Variants in PUDP observed in about 807,000 individuals in gnomAD.
The protein encoded by PUDP is pseudouridine 5'-phosphatase, also known as pseudouridine-5'-phosphatase.
A neutral mutation model predicts 9.4 loss-of-function variants in PUDP; 8 were observed. That is an observed-to-expected ratio of 0.85 (90% CI 0.50 to 1.53). The LOEUF (loss-of-function observed/expected upper bound fraction) is 1.53, where lower values mean the gene tolerates loss of function less well. Among genes scored for constraint, PUDP ranks in the 40% most tolerant of loss-of-function variants. The pLI is 0.00. For missense variants in PUDP, 188 were observed against 189.7 expected, an observed-to-expected ratio of 0.99 and a Z score of 0.05; for synonymous variants, 99 against 80.7, an observed-to-expected ratio of 1.23 and a Z score of -1.22.
chrX:6,724,133 T>C (rs1482639826), upstream of PUDP, among the ~76,000 whole-genome samples: 1 of 111,260 alleles, frequency 9.0e-6, no homozygotes, highest in Admixed American at 9.6e-5. Context: ...ATATAACAAT[T>C]CCAAATAAAA....
chrX:6,926,269 G>A (rs1391465733), intron 3 of PUDP, among the ~76,000 whole-genome samples: 1 of 111,925 alleles, frequency 8.9e-6, no homozygotes, highest in African/African-American at 3.3e-5. Flanking sequence ...CCTGCCAGAG[G>A]AAGCCCTCAC....
At chrX:6,816,503 C>T (rs1314778858) in intron 3 of PUDP, among the ~76,000 whole-genome samples, 1 of 101,859 alleles carries the variant, frequency 9.8e-6, no homozygotes, top group Non-Finnish European at 2.0e-5. Context: ...TATATTTATA[C>T]ATCTATACTA....
intron 3 of PUDP, among the ~76,000 whole-genome samples, chrX:6,784,313 AT>A (rs1925611640): frequency 8.9e-6 from 1 of 111,744 alleles, no homozygotes; most frequent in East Asian, 2.8e-4. Flanking sequence ...CAGGGTGCAA[AT>A]GTTGTTTGTG....
chrX:6,822,273 C>A (rs897485056), intron 3 of PUDP, among the ~76,000 whole-genome samples: 1 of 111,769 alleles, frequency 8.9e-6, no homozygotes, highest in Admixed American at 9.5e-5. Context: ...AAAGGTATAT[C>A]TTTATCTCCG....
rs759542224 is a variant in PUDP, at chrX:7,081,762, G to A, written c.281-4313C>T. 8.8e-5 allele frequency among the ~76,000 whole-genome samples: 10 copies of A among 113,058 alleles called. No individual in the cohort carries two copies. The East Asian group carries it at 2.8e-3, about 31-fold the overall frequency. On this transcript the variant is annotated intron_variant, in intron 2 of 3. Transcript: ENST00000381077. ...GGCCTCAATTTTGTCATCTGTCAAA[G>A]AGCAATGATTAACGTTCCTCATGGA...
intron 3 of PUDP, among the ~76,000 whole-genome samples, chrX:6,818,279 T>C (rs970923541): frequency 4.5e-5 from 5 of 112,136 alleles, no homozygotes; most frequent in Non-Finnish European, 9.4e-5. Context: ...AAAGATGATC[T>C]TACATTTAGA....
intron 3 of PUDP, among the ~76,000 whole-genome samples, chrX:6,850,113 T>TAA (rs376343784): frequency 3.9e-5 from 4 of 102,290 alleles, no homozygotes; most frequent in Non-Finnish European, 6.0e-5. Context: ...AGACATAAAT[T>TAA]AAAAAAAAAA....
chrX:7,116,110 T>G (rs1932187062), intron 1 of PUDP, among the ~76,000 whole-genome samples: 1 of 112,133 alleles, frequency 8.9e-6, no homozygotes, highest in Non-Finnish European at 1.9e-5. Context: ...GCAAGAAAGT[T>G]GGACACCAGC....
intron 3 of PUDP, among the ~76,000 whole-genome samples, chrX:7,067,969 C>A (rs866704258): frequency 9.0e-6 from 1 of 111,702 alleles, no homozygotes; most frequent in Non-Finnish European, 1.9e-5. Flanking sequence ...CCATGTAAGA[C>A]ATGACTTGCT....
At chrX:7,097,415 C>T (rs1322217706) in intron 2 of PUDP, among the ~76,000 whole-genome samples, 1 of 111,640 alleles carries the variant, frequency 9.0e-6, no homozygotes, top group Admixed American at 9.5e-5. Context: ...TGGCTTCTCC[C>T]ATCTGTATCT....
chrX:6,967,083 G>C (rs1928797856), intron 3 of PUDP, among the ~76,000 whole-genome samples: 1 of 111,853 alleles, frequency 8.9e-6, no homozygotes, highest in Non-Finnish European at 1.9e-5. Flanking sequence ...GAGGGTCATT[G>C]GTAATTGGTC....
intron 1 of PUDP, among the ~76,000 whole-genome samples, chrX:6,713,184 G>A (rs778874255): frequency 8.9e-6 from 1 of 112,470 alleles, no homozygotes; most frequent in South Asian, 3.7e-4. Flanking sequence ...CAAGTCCATG[G>A]AGATTCACAA....
rs941475188 is a variant in PUDP, at chrX:6,749,952, T to G, written c.*248-43486A>C. On this transcript the variant is annotated intron_variant and NMD_transcript_variant, in intron 3 of 3. Transcript: ENST00000655425. Reference sequence around the variant, plus strand: ...GCATGAGATTCGATTATGAAATGACTATTGACTAACAGCACTGGAGGATGA... The same window carrying G: ...GCATGAGATTCGATTATGAAATGACGATTGACTAACAGCACTGGAGGATGA... Among the ~76,000 whole-genome samples, 3 of 112,294 alleles carry G rather than the reference T, an allele frequency of 2.7e-5. No homozygotes were observed. The Admixed American group carries it at 2.8e-4, about 11-fold the overall frequency.
chrX:6,929,141 AAAATAT>A (rs1348460878), intron 3 of PUDP, among the ~76,000 whole-genome samples: 91 of 112,518 alleles, frequency 8.1e-4, no homozygotes, highest in African/African-American at 2.9e-3. Flanking sequence ...TCAGCAAATA[AAAATAT>A]GAGATACGCA....
At chrX:6,937,890 C>G (rs1339565479) in intron 3 of PUDP, among the ~76,000 whole-genome samples, 3 of 84,014 alleles carry the variant, frequency 3.6e-5, no homozygotes, top group Admixed American at 1.4e-4. Flanking sequence ...AAATGCTCAT[C>G]ATCACTGGCC....
intron 1 of PUDP, among the ~76,000 whole-genome samples, chrX:7,016,478 G>A (rs1477944869): frequency 1.8e-5 from 2 of 111,390 alleles, no homozygotes; most frequent in East Asian, 2.8e-4. Context: ...AAGAGATTGG[G>A]TAGCATAAGA....
chrX:7,033,216 C>G (rs1453199015), intron 1 of PUDP, among the ~76,000 whole-genome samples: 1 of 111,377 alleles, frequency 9.0e-6, no homozygotes, highest in Non-Finnish European at 1.9e-5. Context: ...GTTGGCTTCC[C>G]TACTTTTGAG....
At chrX:6,841,341 C>G (rs1171125016) in intron 3 of PUDP, among the ~76,000 whole-genome samples, 1 of 110,038 alleles carries the variant, frequency 9.1e-6, no homozygotes, top group Non-Finnish European at 1.9e-5. Flanking sequence ...CTTATAATCC[C>G]AGCACTTTGA....
intron 1 of PUDP, among the ~76,000 whole-genome samples, chrX:7,021,384 C>T (rs778125925): frequency 9.0e-6 from 1 of 111,345 alleles, no homozygotes; most frequent in East Asian, 2.8e-4. Flanking sequence ...CCCTCAGAGA[C>T]CAAAATGCAT....
Sources: allele counts gnomAD v4.1 joint callset (sites outside exome capture counted in the v4.1 genomes callset), GRCh38; gene constraint gnomAD v4.1.1; transcripts MANE v1.5; gene names NCBI Gene and HGNC (gene_info 2026-07-23, HGNC 2026-07-21).